The following RNF44 variants were observed in gnomAD, a reference collection of about 807,000 sequenced individuals.
RNF44 encodes the protein ring finger protein 44.
RNF44 carries 25 observed loss-of-function variants against 53.6 expected under a neutral mutation model. The observed-to-expected ratio is 0.47, with a 90% CI of 0.34 to 0.65. The LOEUF (loss-of-function observed/expected upper bound fraction) is 0.65. Among genes scored for constraint, RNF44 ranks in the 30% least tolerant of loss-of-function variants. The pLI, the probability that RNF44 is intolerant of heterozygous loss-of-function variation, is 0.01. For synonymous variants in RNF44, 282 were observed against 252.2 expected, an observed-to-expected ratio of 1.12 and a Z score of -1.12; for missense variants, 581 against 595.5, an observed-to-expected ratio of 0.98 and a Z score of 0.25.
At position 176,530,782 on chromosome 5, in the gene RNF44, G is replaced by A. The variant is rs778128836; in HGVS notation, c.640-39C>T. Reference sequence around the variant, plus strand: ...CGCCGGGTCAGCAAGTCAGTGAGACGAGGCTGTCCTCACCCTGCCTCCCCC... The same window carrying A: ...CGCCGGGTCAGCAAGTCAGTGAGACAAGGCTGTCCTCACCCTGCCTCCCCC... On this transcript the variant is annotated intron_variant, in intron 5 of 10. Transcript: ENST00000274811. 13 of 1,493,396 alleles carry A rather than the reference G, an allele frequency of 8.7e-6. No homozygotes were observed. In the East Asian group the frequency reaches 1.7e-4, roughly 19 times the overall value. 92.5% of individuals were successfully genotyped at this position (1,493,396 alleles called of 1,614,324 possible).
At chr5:176,530,420 A>G (rs139523631) in intron 6 of RNF44, among the ~76,000 whole-genome samples, 162 bp downstream of exon 6, 3,418 of 72,406 alleles carry the variant, frequency 0.047, 464 homozygotes, top group Middle Eastern at 0.1. Context: ...CCCAGGTGCA[A>G]GTCAGCCCAG....
At chr5:176,532,981 C>G (rs1756844117) in intron 1 of RNF44, among the ~76,000 whole-genome samples, 1 of 152,174 alleles carries the variant, frequency 6.6e-6, no homozygotes, top group South Asian at 2.1e-4. Context: ...CAGTCCCCCT[C>G]AGTTGCGGAG....
Position 176,531,410 on chromosome 5 carries a change from C to T in RNF44, c.465+53G>A, listed in dbSNP as rs1756646064. 1 of 1,514,848 alleles carries T rather than the reference C, an allele frequency of 6.6e-7. No individual in the cohort carries two copies. Among genetic ancestry groups the T allele is most frequent in the East Asian group, 2.5e-5 (1 of 40,738 alleles). The allele number at this position is 1,514,848 out of a possible 1,614,324, so 93.8% of individuals were successfully genotyped here. A position where few individuals can be genotyped will look rare whatever the true frequency, so the allele number is the denominator to read the frequency against. ...TGCCCTGGGCCCGCTGAGCCGCTGG[C>T]CTGTGCCTGGGGCTTGCAGCTGGTG... On this transcript the variant is annotated intron_variant, in intron 4 of 10. Transcript: ENST00000274811. The surrounding 1 kb of genome is among the most constrained non-coding windows in gnomAD (Gnocchi z 4.2).
Position 176,526,816 on chromosome 5 carries a change from C to A in RNF44, c.*2212G>T, listed in dbSNP as rs1756067255. On this transcript the variant is annotated 3_prime_UTR_variant, in exon 11 of 11. Transcript: ENST00000274811. ...TTGGTCAAGCAGAACTAGCAACTTTCATTTTAAAAAAAGTACAAATCTGTT... is the reference window on the plus strand; with the variant it reads ...TTGGTCAAGCAGAACTAGCAACTTTAATTTTAAAAAAAGTACAAATCTGTT... 6.6e-6 allele frequency: 1 copy of A among 152,364 alleles called. No homozygotes were observed. Among genetic ancestry groups the A allele is most frequent in the African/African-American group, 2.4e-5 (1 of 41,382 alleles). The allele number at this position is 152,364 out of a possible 1,614,324, so 9.4% of individuals were successfully genotyped here.
At position 176,532,159 on chromosome 5, in the gene RNF44, C is replaced by T. The variant is rs781554467; in HGVS notation, c.142G>A (p.Ala48Thr). 3 of 1,555,554 alleles carry T rather than the reference C, an allele frequency of 1.9e-6. No homozygotes were observed. Among genetic ancestry groups the T allele is most frequent in the East Asian group, 4.6e-5 (2 of 43,810 alleles). ...TGGGAGGGTAAGCGCTCATCCCGGG[C>T]AGGCGGGCTGGCCAGGGGGCCCTCG... ...GLEGPLASPP[A>T]RDERLPSQQP... is the part of the protein sequence containing the mutation. Residue 48 changes from alanine (A) to threonine (T), a missense_variant, in exon 3 of 11, where the codon GCC becomes ACC. Ala to Thr is a moderately conservative substitution (Grantham distance 58). Transcript: ENST00000274811.
In RNF44 at chr5:176,529,070, G is replaced by A. The variant is rs759296730; in HGVS notation, c.1257C>T (p.Ile419=). 6.2e-7 allele frequency: 1 copy of A among 1,613,042 alleles called. No homozygotes were observed. The highest frequency in any genetic ancestry group is 1.3e-5 in the African/African-American group (1 of 74,930). Residue 419 remains isoleucine, a synonymous_variant, in exon 11 of 11, where the codon ATC becomes ATT. Transcript: ENST00000274811. ...GCACCTCGGAGGCGTCGGCCCGGCA[G>A]ATGGGACACGTCCGGTTGGCCTGTG... ...KWLKANRTCP[I]CRADASEVPR... is the part of the protein sequence containing the mutation.
chr5:176,541,928 G>C (rs1050930012), upstream of RNF44, among the ~76,000 whole-genome samples: 3 of 152,176 alleles, frequency 2.0e-5, no homozygotes, highest in African/African-American at 7.2e-5. Context: ...GCAGGGCCCA[G>C]AGCCTCACAC....
the RNF44 span, among the ~76,000 whole-genome samples, chr5:176,543,199 C>A: frequency 6.7e-5 from 10 of 148,876 alleles, no homozygotes; most frequent in African/African-American, 2.4e-4. This position sits in a 1 kb window ranked among gnomAD's most constrained non-coding sequence, Gnocchi z 4.0. Flanking sequence ...CGCCCCCTAC[C>A]GCCGCGTGCT....
At chr5:176,535,471 G>A (rs1757067857) in intron 1 of RNF44, among the ~76,000 whole-genome samples, 1 of 152,198 alleles carries the variant, frequency 6.6e-6, no homozygotes, top group Admixed American at 6.5e-5. Context: ...GCCAGGAACA[G>A]GGGTGGCGTA....
chr5:176,530,335 T>G (rs12519175), intron 6 of RNF44, 129 bp from the exon 7 acceptor site: 1 of 92,930 alleles, frequency 1.1e-5, no homozygotes. Context: ...GTCAGCCCGG[T>G]GGGCCTGCCT....
At chr5:176,539,944 A>C (rs1339569618), upstream of RNF44, among the ~76,000 whole-genome samples, 7 of 152,122 alleles carry the variant, frequency 4.6e-5, no homozygotes, top group Non-Finnish European at 1.0e-4. Context: ...CTCAGGCTAG[A>C]CTGCCTGCCT....
Position 176,532,427 on chromosome 5 carries a change from GGGCGGAGGGT to G in RNF44, c.36_45del (p.Ser14TrpfsTer51). ...GCAGAGAATCGCCGCTGGCCCACGG[GGGCGGAGGGT>G]GGCCACCTAGTCACTGCCAGAGCCC... On this transcript the variant is annotated frameshift_variant, in exon 2 of 11. Coordinates refer to ENST00000274811, the MANE Select transcript of RNF44 (RefSeq NM_014901.5). LOFTEE classifies it high-confidence loss of function. 1 of 1,607,880 alleles carries G rather than the reference GGGCGGAGGGT, an allele frequency of 6.2e-7. No individual in the cohort carries two copies. The highest frequency in any genetic ancestry group is 8.5e-7 in the Non-Finnish European group (1 of 1,178,932).
chr5:176,531,464 G>C lies in RNF44; in HGVS notation c.464C>G (p.Pro155Arg). ...GAGGAGCTAGAAACACTCACTCACC[G>C]GGGGCGGGAGGCAGCAGAGGGGGTA... ...QHYPLCCLPP[P>R]LIQACTMQQL... Residue 155 changes from proline to arginine, a missense_variant and splice_region_variant, in exon 4 of 11, where the codon CCG becomes CGG. Pro to Arg is a moderately radical substitution (Grantham distance 103, BLOSUM62 -2). Coordinates refer to ENST00000274811, the MANE Select transcript of RNF44 (RefSeq NM_014901.5). The surrounding 1 kb of genome is among the most constrained non-coding windows in gnomAD (Gnocchi z 4.2). 6.4e-7 allele frequency: 1 copy of C among 1,555,528 alleles called. No individual in the cohort carries two copies. The highest frequency in any genetic ancestry group is 8.7e-7 in the Non-Finnish European group (1 of 1,150,350).
At chr5:176,542,040 T>C (rs1757459142), upstream of RNF44, among the ~76,000 whole-genome samples, 1 of 151,776 alleles carries the variant, frequency 6.6e-6, no homozygotes. Flanking sequence ...TGGCTGTGCG[T>C]GCAGATGGCG....
Position 176,531,453 on chromosome 5 carries a change from A to G in RNF44, c.465+10T>C, listed in dbSNP as rs879540306. The G allele has an allele frequency of 1.9e-6, 3 of 1,549,148 alleles. No homozygotes were observed. The highest frequency in any genetic ancestry group is 2.6e-6 in the Non-Finnish European group (3 of 1,147,010). On this transcript the variant is annotated intron_variant, in intron 4 of 10. Transcript: ENST00000274811. This position sits in a 1 kb window ranked among gnomAD's most constrained non-coding sequence, Gnocchi z 4.2. ...AGCTGGTGGAGGAGGAGCTAGAAAC[A>G]CTCACTCACCGGGGGCGGGAGGCAG...
chr5:176,539,115 A>G (rs1276834915), upstream of RNF44, among the ~76,000 whole-genome samples: 1 of 152,252 alleles, frequency 6.6e-6, no homozygotes, highest in East Asian at 1.9e-4. Flanking sequence ...TGTTTAGACC[A>G]GCAATGATCG....
chr5:176,542,060 G>A (rs1410855166), upstream of RNF44, among the ~76,000 whole-genome samples: 3 of 152,236 alleles, frequency 2.0e-5, no homozygotes, highest in Non-Finnish European at 4.4e-5. Flanking sequence ...GGTGAGGGCA[G>A]GGCGTCTGGA....
intron 7 of RNF44, 79 bp downstream of exon 7, chr5:176,529,994 GGCCCCTGGA>G: frequency 1.4e-6 from 2 of 1,468,990 alleles, no homozygotes; most frequent in East Asian, 4.7e-5. Flanking sequence ...GAGGCCCTGG[GGCCCCTGGA>G]GCTGTGTTTA....
At chr5:176,529,266 G>A (rs764879206) in intron 10 of RNF44, 22 bp downstream of exon 10, 3 of 1,606,032 alleles carry the variant, frequency 1.9e-6, no homozygotes, top group South Asian at 2.2e-5. Flanking sequence ...GAATACCCAG[G>A]AGCAGACCTG....
Sources: allele counts gnomAD v4.1 joint callset (sites outside exome capture counted in the v4.1 genomes callset), GRCh38; gene constraint gnomAD v4.1.1; non-coding constraint Gnocchi (gnomAD v3.1); transcripts MANE v1.5; gene names NCBI Gene and HGNC (gene_info 2026-07-23, HGNC 2026-07-21).